UGGT2: variants seen among roughly 807,000 people sequenced by gnomAD.
The protein encoded by UGGT2 is UDP-glucose:glycoprotein glucosyltransferase 2.
In UGGT2, 180 loss-of-function variants were observed where a neutral mutation model predicts 192.1. That is an observed-to-expected ratio of 0.94 (90% CI 0.83 to 1.06). UGGT2 has a LOEUF of 1.06. Among genes scored for constraint, UGGT2 ranks in the 50% least tolerant of loss-of-function variants. UGGT2 has a pLI of 0.00. For missense variants in UGGT2, 1,849 were observed against 1,795.7 expected (o/e 1.03, Z -0.54); for synonymous variants, 580 against 591.0 (o/e 0.98, Z 0.27).
chr13:95,837,058 A>T (rs1180468743), intron 37 of UGGT2, 28 bp downstream of exon 37: 1 of 1,468,320 alleles, frequency 6.8e-7, no homozygotes, highest in East Asian at 2.3e-5. Context: ...GTATCTGCTT[A>T]CATACAAATG....
intron 22 of UGGT2, among the ~76,000 whole-genome samples, chr13:95,895,756 C>A (rs529913819): frequency 1.3e-5 from 2 of 152,070 alleles, no homozygotes; most frequent in African/African-American, 4.8e-5. Flanking sequence ...TTGTACTCTA[C>A]ACTATATAGA....
chr13:95,887,902 G>T lies in UGGT2; in HGVS notation c.3028C>A (p.Pro1010Thr). The change falls in exon 26 of 39, where the codon CCT becomes ACT. Residue 1010 changes from proline to threonine, a missense_variant. Pro to Thr is a conservative substitution (Grantham distance 38, BLOSUM62 -1). Transcript: ENST00000376747. Reference sequence around the variant, plus strand: ...TTCACTCAGATTTACCTTTCTAAAGGGGCTTCTGAAAGCCTGCCCCTACAG... The same window carrying T: ...TTCACTCAGATTTACCTTTCTAAAGTGGCTTCTGAAAGCCTGCCCCTACAG... ...MNCRGRLSEA[P>T]LESFYRFVLE... 1 of 1,595,498 alleles carries T rather than the reference G, an allele frequency of 6.3e-7. No individual in the cohort carries two copies. The highest frequency in any genetic ancestry group is 1.1e-5 in the South Asian group (1 of 87,260).
chr13:95,880,540 G>C lies in UGGT2; in HGVS notation c.3229-2684C>G, dbSNP rs181884568. Among the ~76,000 whole-genome samples, 3 of 152,336 alleles carry C rather than the reference G, an allele frequency of 2.0e-5. No homozygotes were observed. In the East Asian group the frequency reaches 5.8e-4, roughly 29 times the overall value. On this transcript the variant is annotated intron_variant, in intron 27 of 38. Coordinates refer to ENST00000376747, the MANE Select transcript of UGGT2 (RefSeq NM_020121.4). The stretch of plus-strand genomic sequence containing the variant: ...TTAGTTTTAGATAATTTGGTGGTTT[G>C]AGGCACATAAGGTAGTGTAGTCTTC...
At chr13:96,026,592 A>G (rs986066752) in intron 2 of UGGT2, among the ~76,000 whole-genome samples, 4 of 151,286 alleles carry the variant, frequency 2.6e-5, no homozygotes, top group African/African-American at 9.7e-5. Flanking sequence ...ATTCTAAACA[A>G]TATTTTCCTA....
At chr13:95,810,084 T>A (rs919966823) in intron 38 of UGGT2, among the ~76,000 whole-genome samples, 5 of 152,214 alleles carry the variant, frequency 3.3e-5, no homozygotes, top group Non-Finnish European at 7.3e-5. Context: ...TTGAAATGGA[T>A]AACCACATGT....
rs546212759 is a variant in UGGT2, at chr13:95,853,581, G to A, written c.4246C>T (p.Leu1416Phe). 3 of 1,611,656 alleles carry A rather than the reference G, an allele frequency of 1.9e-6. No individual in the cohort carries two copies. In the Admixed American group the frequency reaches 5.0e-5, roughly 27 times the overall value. Residue 1416 changes from leucine (L) to phenylalanine (F), a missense_variant, in exon 36 of 39, where the codon CTC becomes TTC. Transcript: ENST00000376747. ...GDRLRSQYQA[L>F]SQDPNSLSNL... ...GAAAGACTGTTTGGATCTTGACTGA[G>A]AGCTTGATACTGGCTCCTGAGCCTG...
chr13:95,813,485 G>A (rs928664797), intron 38 of UGGT2, among the ~76,000 whole-genome samples: 2 of 152,150 alleles, frequency 1.3e-5, no homozygotes, highest in Non-Finnish European at 2.9e-5. Context: ...TTTAATATGT[G>A]TCCTGGCTGT....
chr13:95,927,470 CTTTTT>C (rs869027577), intron 17 of UGGT2, 134 bp from the exon 18 acceptor site: 12 of 242,368 alleles, frequency 5.0e-5, no homozygotes, highest in South Asian at 1.3e-4. Context: ...CATTTTCTTT[CTTTTT>C]TTTTTTTTTT....
chr13:96,026,796 C>T (rs1022350378), intron 2 of UGGT2, among the ~76,000 whole-genome samples: 1 of 151,922 alleles, frequency 6.6e-6, no homozygotes, highest in African/African-American at 2.4e-5. Context: ...CTCAGCCTCC[C>T]GAGTAGCTGG....
rs79124102 is a variant in UGGT2, at chr13:95,914,851, T to C, written c.2295+10829A>G. 4.6e-3 allele frequency among the ~76,000 whole-genome samples: 695 copies of C among 152,138 alleles called. 3 individuals are homozygous for C. Among genetic ancestry groups the C allele is most frequent in the African/African-American group, 0.016 (670 of 41,528 alleles). On this transcript the variant is annotated intron_variant, in intron 20 of 38. Coordinates refer to ENST00000376747, the MANE Select transcript of UGGT2 (RefSeq NM_020121.4). ...AAACCCCCTGCAAAACTCTTAAGTA[T>C]AAAAATTATGAAGAAATTTTAAAAG...
In UGGT2 at chr13:96,033,750, C is replaced by T. The variant is rs561933491; in HGVS notation, c.159-1779G>A. On this transcript the variant is annotated intron_variant, in intron 1 of 38. Coordinates refer to ENST00000376747, the MANE Select transcript of UGGT2 (RefSeq NM_020121.4). ...GTTTGGGGTAGTGCTGACATGCCAG[C>T]CCCCTACCACCTCAGCCCCCTCCAG... is the stretch of plus-strand genomic sequence containing the variant. Among the ~76,000 whole-genome samples, 36 of 152,312 alleles carry T rather than the reference C, an allele frequency of 2.4e-4. 1 individual carries two copies. In the South Asian group the frequency reaches 7.5e-3, roughly 32 times the overall value.
chr13:95,954,975 CAACTT>C (rs1382243099), intron 12 of UGGT2, among the ~76,000 whole-genome samples: 2 of 152,196 alleles, frequency 1.3e-5, no homozygotes, highest in African/African-American at 4.8e-5. Context: ...AAGGGACACT[CAACTT>C]GTAATGTGTA....
chr13:95,813,287 T>G (rs762177094), intron 38 of UGGT2, among the ~76,000 whole-genome samples: 20 of 152,146 alleles, frequency 1.3e-4, no homozygotes, highest in Non-Finnish European at 2.6e-4. Flanking sequence ...CTGATAGTGA[T>G]ATGGACAGTG....
intron 24 of UGGT2, among the ~76,000 whole-genome samples, chr13:95,893,047 A>G (rs1404432825): frequency 6.6e-6 from 1 of 152,184 alleles, no homozygotes; most frequent in Non-Finnish European, 1.5e-5. Context: ...AGGCTAATAT[A>G]GAGATCTTTC....
At chr13:95,946,110 C>T (rs2049859173) in intron 15 of UGGT2, among the ~76,000 whole-genome samples, 1 of 152,268 alleles carries the variant, frequency 6.6e-6, no homozygotes, top group South Asian at 2.1e-4. Context: ...AACAATATAG[C>T]TCTTTAATAC....
chr13:95,914,246 T>TA (rs201574355), intron 20 of UGGT2, among the ~76,000 whole-genome samples: 3,586 of 134,554 alleles, frequency 0.027, 125 homozygotes, highest in African/African-American at 0.087. Flanking sequence ...TAAAGTATAA[T>TA]AAAAAAAAAA....
intron 1 of UGGT2, 80 bp downstream of exon 1, chr13:96,053,075 C>A (rs2053534102): frequency 2.2e-6 from 3 of 1,393,928 alleles, no homozygotes; most frequent in African/African-American, 1.5e-5. Flanking sequence ...GCCAGACACC[C>A]GCTGCGAGCA....
intron 36 of UGGT2, among the ~76,000 whole-genome samples, chr13:95,841,160 T>C (rs1466522858): frequency 2.6e-5 from 4 of 152,182 alleles, no homozygotes. Flanking sequence ...GGCACATGTA[T>C]ACCTACGTAA....
chr13:96,043,617 A>T (rs2053226055), intron 1 of UGGT2, among the ~76,000 whole-genome samples: 1 of 152,186 alleles, frequency 6.6e-6, no homozygotes. Flanking sequence ...TGTCTTCAAG[A>T]GACTTACCTA....
Sources: gnomAD v4.1 joint callset for allele counts (sites outside exome capture counted in the v4.1 genomes callset) on GRCh38, gnomAD v4.1.1 for gene constraint, MANE v1.5 for transcripts, NCBI Gene and HGNC (gene_info 2026-07-23, HGNC 2026-07-21) for gene names.